Variants in CAPN2 observed in about 807,000 individuals in gnomAD.
The protein encoded by CAPN2 is calpain-2 catalytic subunit.
CAPN2 carries 92 observed loss-of-function variants against 102.3 expected under a neutral mutation model. The observed-to-expected ratio is 0.90, with a 90% confidence interval of 0.76 to 1.07. CAPN2 has a LOEUF of 1.07. Ranked by LOEUF, CAPN2 falls within the 50% of genes least tolerant of loss-of-function variation. The pLI is 0.00. For synonymous variants in CAPN2, 340 were observed against 355.4 expected, an observed-to-expected ratio of 0.96 and a Z score of 0.49; for missense variants, 800 against 909.4, an observed-to-expected ratio of 0.88 and a Z score of 1.55.
At position 223,745,352 on chromosome 1, in the gene CAPN2, T is replaced by TA. The variant is rs1660727370; in HGVS notation, c.473_474insA (p.Pro159AlafsTer35). On this transcript the variant is annotated frameshift_variant, in exon 4 of 21. Coordinates refer to ENST00000295006, the MANE Select transcript of CAPN2 (RefSeq NM_001748.5). LOFTEE classifies it high-confidence loss of function. ...GTGGAGGTGGTGGTGGATGACAGGC[T>TA]GCCCACCAAGGACGGGGAGCTGCTC... 2 of 1,614,064 alleles carry TA rather than the reference T, an allele frequency of 1.2e-6. No individual in the cohort carries two copies. The highest frequency in any genetic ancestry group is 1.3e-5 in the African/African-American group (1 of 74,932).
At chr1:223,744,769 G>T (rs554312597) in intron 3 of CAPN2, among the ~76,000 whole-genome samples, 3 of 152,076 alleles carry the variant, frequency 2.0e-5, no homozygotes, top group African/African-American at 2.4e-5. Context: ...GCTGAGGCAG[G>T]AGAATCACTT....
intron 11 of CAPN2, chr1:223,758,772 G>A (rs577285141): frequency 4.9e-5 from 9 of 184,196 alleles, no homozygotes; most frequent in South Asian, 2.2e-4. Context: ...GCTCACTGCC[G>A]TCCTTGAACT....
At chr1:223,757,236 C>T (rs1422510700) in intron 10 of CAPN2, 133 bp from the exon 11 acceptor site, 110 of 992,100 alleles carry the variant, frequency 1.1e-4, no homozygotes, top group Non-Finnish European at 1.6e-6. Flanking sequence ...CCTTGGAAAA[C>T]AGTTACTCGG....
chr1:223,739,547 G>A (rs935393552), intron 2 of CAPN2, among the ~76,000 whole-genome samples: 4 of 152,124 alleles, frequency 2.6e-5, no homozygotes, highest in East Asian at 1.9e-4. Context: ...CATTCCCCCC[G>A]GAGAGGAAGG....
chr1:223,725,513 G>A lies in CAPN2; in HGVS notation c.307+7682G>A, dbSNP rs1660168467. On this transcript the variant is annotated intron_variant, in intron 2 of 20. Coordinates refer to ENST00000295006, the MANE Select transcript of CAPN2 (RefSeq NM_001748.5). The surrounding 1 kb of genome is among the most constrained non-coding windows in gnomAD (Gnocchi z 4.1). The stretch of plus-strand genomic sequence containing the variant: ...TCCATGCAGATTGCACGTTCTCTTT[G>A]GGGACAGTACAGCTGGAGGGGAGTA... Among the ~76,000 whole-genome samples the A allele has an allele frequency of 6.6e-6, 1 of 152,188 alleles. No individual in the cohort carries two copies. Among genetic ancestry groups the A allele is most frequent in the African/African-American group, 2.4e-5 (1 of 41,440 alleles).
At chr1:223,715,963 T>C (rs1659863650) in intron 1 of CAPN2, among the ~76,000 whole-genome samples, 1 of 152,188 alleles carries the variant, frequency 6.6e-6, no homozygotes, top group Non-Finnish European at 1.5e-5. Context: ...GGTGGGTGTT[T>C]TCATCGTTCC....
intron 1 of CAPN2, among the ~76,000 whole-genome samples, chr1:223,703,089 C>G (rs140025885): frequency 1.3e-5 from 2 of 152,280 alleles, no homozygotes; most frequent in African/African-American, 4.8e-5. Flanking sequence ...TTTTCTCCCC[C>G]ATTTGCTCTG....
chr1:223,710,984 G>A (rs534136958), upstream of CAPN2, among the ~76,000 whole-genome samples: 25 of 152,248 alleles, frequency 1.6e-4, no homozygotes, highest in African/African-American at 5.1e-4. Flanking sequence ...TCACAGGTGT[G>A]CATCTTCAAC....
intron 2 of CAPN2, among the ~76,000 whole-genome samples, chr1:223,736,157 C>T (rs972443978): frequency 6.6e-5 from 10 of 152,146 alleles, no homozygotes; most frequent in Non-Finnish European, 1.3e-4. Flanking sequence ...CAGCAGGGAC[C>T]CCGCCTCTGG....
intron 14 of CAPN2, 78 bp from the exon 15 acceptor site, chr1:223,764,072 A>G: frequency 8.9e-7 from 1 of 1,117,938 alleles, no homozygotes; most frequent in South Asian, 1.2e-5. Flanking sequence ...AGGCCTACCT[A>G]ATGCACTGGT....
chr1:223,744,320 C>A (rs1284150377), intron 3 of CAPN2, 102 bp downstream of exon 3: 9 of 778,188 alleles, frequency 1.2e-5, no homozygotes, highest in East Asian at 4.9e-5. Flanking sequence ...TTTGCAGACT[C>A]CCAAGACCAA....
At chr1:223,771,203 G>A (rs1176421185) in intron 18 of CAPN2, 1 of 153,200 alleles carries the variant, frequency 6.5e-6, no homozygotes, top group African/African-American at 2.4e-5. Context: ...CAAGGGACCT[G>A]GGACAGCCTG....
At chr1:223,737,914 A>G (rs1660508221) in intron 2 of CAPN2, among the ~76,000 whole-genome samples, 1 of 151,838 alleles carries the variant, frequency 6.6e-6, no homozygotes, top group Non-Finnish European at 1.5e-5. Context: ...AAAGAATCTC[A>G]CTGTGCCCCC....
At chr1:223,736,322 G>A (rs1314487695) in intron 2 of CAPN2, among the ~76,000 whole-genome samples, 1 of 152,142 alleles carries the variant, frequency 6.6e-6, no homozygotes, top group African/African-American at 2.4e-5. Context: ...TAGAAGCCAA[G>A]GAACCCCAGG....
At chr1:223,771,164 C>T (rs751009824) in intron 18 of CAPN2, 1 of 153,166 alleles carries the variant, frequency 6.5e-6, no homozygotes, top group African/African-American at 2.4e-5. Context: ...TCCATGATGC[C>T]CACCGGACCT....
chr1:223,741,967 C>T (rs905861311), intron 2 of CAPN2, among the ~76,000 whole-genome samples: 1 of 152,016 alleles, frequency 6.6e-6, no homozygotes, highest in Non-Finnish European at 1.5e-5. Flanking sequence ...GATGTGTCTC[C>T]GCTTACCATA....
At chr1:223,752,677 C>A in intron 8 of CAPN2, 119 bp from the exon 9 acceptor site, 2 of 840,800 alleles carry the variant, frequency 2.4e-6, no homozygotes, top group Non-Finnish European at 3.7e-6. Flanking sequence ...CCCATCCACT[C>A]AGTTCTAATG....
At chr1:223,748,544 G>A (rs1193234508) in intron 5 of CAPN2, among the ~76,000 whole-genome samples, 1 of 152,202 alleles carries the variant, frequency 6.6e-6, no homozygotes, top group South Asian at 2.1e-4. Context: ...AAACCCTACA[G>A]CTGGGCTGGG....
At chr1:223,743,958 C>T (rs1660686331) in intron 2 of CAPN2, 142 bp from the exon 3 acceptor site, 1 of 677,994 alleles carries the variant, frequency 1.5e-6, no homozygotes, top group Non-Finnish European at 2.7e-6. Context: ...ACCCAACCCT[C>T]ATATGGGGGA....
Sources: allele counts gnomAD v4.1 joint callset (sites outside exome capture counted in the v4.1 genomes callset), GRCh38; gene constraint gnomAD v4.1.1; non-coding constraint Gnocchi (gnomAD v3.1); transcripts MANE v1.5; gene names NCBI Gene and HGNC (gene_info 2026-07-23, HGNC 2026-07-21).